The following GRM5 variants were observed in gnomAD, a reference collection of about 807,000 sequenced individuals.
GRM5 encodes glutamate metabotropic receptor 5, also known as metabotropic glutamate receptor 5.
A neutral mutation model predicts 83.1 loss-of-function variants in GRM5; 19 were observed. The observed-to-expected ratio is 0.23, with a 90% CI of 0.16 to 0.34. The LOEUF is 0.34. Among genes scored for constraint, GRM5 ranks in the 10% least tolerant of loss-of-function variants. The pLI is 1.00. For synonymous variants in GRM5, 675 were observed against 633.6 expected (o/e 1.07, Z -0.98); for missense variants, 1,160 against 1,588.3 (o/e 0.73, Z 4.58).
intron 2 of GRM5, among the ~76,000 whole-genome samples, chr11:88,858,480 G>C (rs1025030050): frequency 6.6e-6 from 1 of 152,004 alleles, no homozygotes; most frequent in Non-Finnish European, 1.5e-5. Flanking sequence ...ATCAAGTATG[G>C]AGTTAGAGAA....
intron 2 of GRM5, among the ~76,000 whole-genome samples, chr11:89,024,249 A>C (rs1427818306): frequency 6.6e-6 from 1 of 152,230 alleles, no homozygotes; most frequent in African/African-American, 2.4e-5. Flanking sequence ...TCAGATACCA[A>C]GTATCTTTTT....
chr11:89,054,777 G>A (rs1451593030), intron 1 of GRM5, among the ~76,000 whole-genome samples: 1 of 151,986 alleles, frequency 6.6e-6, no homozygotes, highest in Non-Finnish European at 1.5e-5. Context: ...ATAAAGGGAC[G>A]GTATGCTTTG....
At chr11:88,792,834 G>A (rs1323324620) in intron 3 of GRM5, among the ~76,000 whole-genome samples, 2 of 151,826 alleles carry the variant, frequency 1.3e-5, no homozygotes, top group South Asian at 2.1e-4. Context: ...ATTTACATAC[G>A]CTTAGAATAT....
chr11:88,641,403 T>G (rs1040757505), intron 4 of GRM5, among the ~76,000 whole-genome samples: 60 of 151,968 alleles, frequency 3.9e-4, no homozygotes, highest in African/African-American at 1.4e-3. Context: ...ATGCTGCCCC[T>G]GGCCCCTCAA....
chr11:88,791,954 G>C (rs192765351), intron 3 of GRM5, among the ~76,000 whole-genome samples: 2 of 152,136 alleles, frequency 1.3e-5, no homozygotes, highest in East Asian at 3.9e-4. Flanking sequence ...AGAGTAAAAT[G>C]GATTTTATGG....
At chr11:88,563,527 C>T (rs1303191552) in intron 8 of GRM5, among the ~76,000 whole-genome samples, 1 of 152,138 alleles carries the variant, frequency 6.6e-6, no homozygotes, top group Non-Finnish European at 1.5e-5. Flanking sequence ...TACCCAATCT[C>T]AGATTATAGC....
At chr11:88,617,354 T>A (rs529528421) in intron 4 of GRM5, among the ~76,000 whole-genome samples, 1 of 152,096 alleles carries the variant, frequency 6.6e-6, no homozygotes, top group Non-Finnish European at 1.5e-5. Context: ...AATAAGTGAA[T>A]TGGGGAAAAA....
chr11:88,666,369 C>T (rs1940043770), intron 3 of GRM5, among the ~76,000 whole-genome samples: 1 of 152,128 alleles, frequency 6.6e-6, no homozygotes, highest in South Asian at 2.1e-4. Context: ...AGGAAGTGGA[C>T]ACATGCAAAG....
chr11:88,598,944 G>T (rs1193099213), intron 5 of GRM5, among the ~76,000 whole-genome samples: 2 of 152,158 alleles, frequency 1.3e-5, no homozygotes, highest in African/African-American at 4.8e-5. Flanking sequence ...AGCTCAGTGA[G>T]GTTAATTAGT....
chr11:88,837,234 A>G (rs1165403685), intron 3 of GRM5, among the ~76,000 whole-genome samples: 1 of 152,180 alleles, frequency 6.6e-6, no homozygotes, highest in Non-Finnish European at 1.5e-5. Context: ...TATTACTGAA[A>G]TTGAGGATTA....
At chr11:88,850,896 C>T (rs1944378696) in intron 2 of GRM5, among the ~76,000 whole-genome samples, 1 of 152,046 alleles carries the variant, frequency 6.6e-6, no homozygotes, top group Admixed American at 6.6e-5. Flanking sequence ...TTAATATTGA[C>T]AGTCAGCTAT....
chr11:88,514,840 T>C (rs867186448), intron 9 of GRM5, among the ~76,000 whole-genome samples: 16 of 152,194 alleles, frequency 1.1e-4, no homozygotes, highest in Admixed American at 2.6e-4. Flanking sequence ...TCTCAATTAA[T>C]ACATGTATTG....
rs112967461 is a variant in GRM5, at chr11:88,967,580, C to T, written c.661+79632G>A. Among the ~76,000 whole-genome samples, 443 of 152,012 alleles carry T rather than the reference C, an allele frequency of 2.9e-3. 7 individuals are homozygous for T. The highest frequency in any genetic ancestry group is 0.014 in the Middle Eastern group (4 of 294). On this transcript the variant is annotated intron_variant, in intron 2 of 9. Coordinates refer to ENST00000305447, the MANE Select transcript of GRM5 (RefSeq NM_001143831.3). ...ATTCTTTATAAGGACACTACTCCTG[C>T]AATAACGGCATTAATCCATTCATGA...
At chr11:88,549,115 G>C (rs1229328557) in intron 8 of GRM5, among the ~76,000 whole-genome samples, 1 of 152,080 alleles carries the variant, frequency 6.6e-6, no homozygotes, top group Non-Finnish European at 1.5e-5. Flanking sequence ...CATTTTCTAG[G>C]TAATAGAAAG....
In GRM5 at chr11:88,822,299, A is replaced by G. The variant is rs1043575829; in HGVS notation, c.911+27607T>C. ...TGTGCTATACATAGTTGAGCTTATGATCTTGCCAATAAGAGATATATAGAT... is the reference window on the plus strand; with the variant it reads ...TGTGCTATACATAGTTGAGCTTATGGTCTTGCCAATAAGAGATATATAGAT... On this transcript the variant is annotated intron_variant, in intron 3 of 9. Coordinates refer to ENST00000305447, the MANE Select transcript of GRM5 (RefSeq NM_001143831.3). 4.6e-5 allele frequency among the ~76,000 whole-genome samples: 7 copies of G among 152,292 alleles called. No individual in the cohort carries two copies. The East Asian group carries it at 1.4e-3, about 29-fold the overall frequency.
At chr11:89,023,781 C>A (rs777398930) in intron 2 of GRM5, among the ~76,000 whole-genome samples, 2 of 151,484 alleles carry the variant, frequency 1.3e-5, no homozygotes, top group Non-Finnish European at 2.9e-5. Context: ...ACCCAGGAGG[C>A]GGAGGTTGCA....
At chr11:88,618,578 A>G (rs1938546849) in intron 4 of GRM5, among the ~76,000 whole-genome samples, 1 of 151,608 alleles carries the variant, frequency 6.6e-6, no homozygotes, top group African/African-American at 2.4e-5. Context: ...TGCTGACAGA[A>G]ACATAAGTAA....
intron 3 of GRM5, among the ~76,000 whole-genome samples, chr11:88,738,177 A>G (rs1337665753): frequency 6.6e-6 from 1 of 152,044 alleles, no homozygotes; most frequent in Non-Finnish European, 1.5e-5. Flanking sequence ...ACAATTATAA[A>G]ATCTATTTTT....
rs190483265 is a variant in GRM5 at position 88,775,859 on chromosome 11, A to G, written c.911+74047T>C. On this transcript the variant is annotated intron_variant, in intron 3 of 9. Coordinates refer to ENST00000305447, the MANE Select transcript of GRM5 (RefSeq NM_001143831.3). Reference sequence around the variant, plus strand: ...TTTGCTGAGGAGTGATTTACTTCCAATTATGTGGTCAATCTTAGAATAAGT... The same window carrying G: ...TTTGCTGAGGAGTGATTTACTTCCAGTTATGTGGTCAATCTTAGAATAAGT... 3.3e-3 allele frequency among the ~76,000 whole-genome samples: 499 copies of G among 152,246 alleles called. 2 individuals carry two copies. Among genetic ancestry groups the G allele is most frequent in the African/African-American group, 0.011 (475 of 41,560 alleles).
Sources: allele counts gnomAD v4.1 joint callset (sites outside exome capture counted in the v4.1 genomes callset), GRCh38; gene constraint gnomAD v4.1.1; transcripts MANE v1.5; gene names NCBI Gene and HGNC (gene_info 2026-07-23, HGNC 2026-07-21).